C12orf56: variants seen among roughly 807,000 people sequenced by gnomAD.
The protein encoded by C12orf56 is chromosome 12 open reading frame 56, also known as uncharacterized protein C12orf56.
A neutral mutation model predicts 69.9 loss-of-function variants in C12orf56; 71 were observed. That is an observed-to-expected ratio of 1.02 (90% CI 0.84 to 1.24). The LOEUF (loss-of-function observed/expected upper bound fraction) is 1.24. Among genes scored for constraint, C12orf56 ranks in the 50% most tolerant of loss-of-function variants. The probability of loss-of-function intolerance (pLI) is 0.00; values close to 1 mark genes in which losing one functional copy is unlikely to be tolerated. For missense variants in C12orf56, 732 were observed against 738.5 expected, an observed-to-expected ratio of 0.99 and a Z score of 0.10; for synonymous variants, 276 against 274.1, an observed-to-expected ratio of 1.01 and a Z score of -0.07.
chr12:64,274,343 G>C (rs542501298), intron 11 of C12orf56, among the ~76,000 whole-genome samples: 1 of 152,216 alleles, frequency 6.6e-6, no homozygotes, highest in Non-Finnish European at 1.5e-5. Flanking sequence ...GCAGGGCCCT[G>C]TAGGCCATGT....
chr12:64,332,142 T>C (rs2038938913), intron 2 of C12orf56, among the ~76,000 whole-genome samples: 1 of 151,644 alleles, frequency 6.6e-6, no homozygotes, highest in Admixed American at 6.6e-5. Flanking sequence ...CAGTTTCTAC[T>C]AAAAAGACAA....
chr12:64,284,962 C>T (rs929732827), intron 7 of C12orf56, among the ~76,000 whole-genome samples: 4 of 152,134 alleles, frequency 2.6e-5, no homozygotes, highest in Non-Finnish European at 5.9e-5. Context: ...ATTTGCTGGT[C>T]GGGCGGGGTA....
At chr12:64,301,228 G>A (rs565998995) in intron 6 of C12orf56, among the ~76,000 whole-genome samples, 37 of 152,284 alleles carry the variant, frequency 2.4e-4, no homozygotes, top group Non-Finnish European at 4.6e-4. Context: ...ATTAAAAGCT[G>A]ATAGAGCCAG....
rs772547800 is a variant in C12orf56 at position 64,303,806 on chromosome 12, C to T, written c.969-27G>A. The T allele has an allele frequency of 5.2e-6, 8 of 1,553,350 alleles. No individual in the cohort carries two copies. The South Asian group carries it at 1.0e-4, about 19-fold the overall frequency. On this transcript the variant is annotated intron_variant, in intron 5 of 12. Coordinates refer to ENST00000543942, the MANE Select transcript of C12orf56 (RefSeq NM_001170633.2). ...TACAGAAACAGAAGAAAATTTTCCACTTAAAAAAATGGTAAGACATAGCAG... is the reference window on the plus strand; with the variant it reads ...TACAGAAACAGAAGAAAATTTTCCATTTAAAAAAATGGTAAGACATAGCAG...
rs1191998235 is a variant in C12orf56, at chr12:64,329,683, C to G, written c.488+1277G>C. Among the ~76,000 whole-genome samples, 144 of 110,942 alleles carry G rather than the reference C, an allele frequency of 1.3e-3. 3 individuals carry two copies. The highest frequency in any genetic ancestry group is 4.5e-3 in the African/African-American group (134 of 29,468). 72.8% of individuals were successfully genotyped at this position (110,942 alleles called of 152,430 possible). On this transcript the variant is annotated intron_variant, in intron 3 of 12. Transcript: ENST00000543942. ...CAATGCTATCCCTCCCCCCTCCCCC[C>G]ACCCCACAACAGTCCCCAGAGTGTG...
intron 11 of C12orf56, among the ~76,000 whole-genome samples, chr12:64,271,206 C>G (rs1313763329): frequency 6.6e-6 from 1 of 151,834 alleles, no homozygotes; most frequent in Non-Finnish European, 1.5e-5. Flanking sequence ...TGTGCCTCAT[C>G]TGTAATCCCA....
chr12:64,319,078 A>C, intron 3 of C12orf56, 98 bp from the exon 4 acceptor site: 93 of 1,154,710 alleles, frequency 8.1e-5, no homozygotes, highest in East Asian at 1.6e-4. Context: ...ATGTTTTCTC[A>C]CAAAAGGAAT....
chr12:64,327,190 A>ATT (rs78004180), intron 3 of C12orf56, among the ~76,000 whole-genome samples: 8 of 151,808 alleles, frequency 5.3e-5, no homozygotes, highest in Non-Finnish European at 7.4e-5. Flanking sequence ...TAAGAAATAC[A>ATT]TTTTTTTCCT....
intron 1 of C12orf56, among the ~76,000 whole-genome samples, chr12:64,383,565 C>T (rs1396135049): frequency 3.3e-5 from 5 of 151,892 alleles, no homozygotes; most frequent in Non-Finnish European, 7.4e-5. Context: ...GTCATAGAAA[C>T]GGGGTTTCAC....
chr12:64,339,074 T>C (rs1565763678), intron 2 of C12orf56, among the ~76,000 whole-genome samples: 1 of 152,248 alleles, frequency 6.6e-6, no homozygotes, highest in Non-Finnish European at 1.5e-5. Context: ...GTCACAACTC[T>C]ACAATTTATC....
Position 64,303,681 on chromosome 12 carries a change from T to G in C12orf56, c.1067A>C (p.Lys356Thr), listed in dbSNP as rs1404186142. The change falls in exon 6 of 13, where the codon AAA (lysine) becomes ACA (threonine). Residue 356 changes from lysine (K) to threonine (T), a missense_variant. By Grantham distance (78) the Lys-to-Thr change is moderately conservative. Transcript: ENST00000543942. ...RRILSLLMEL[K>T]VAAQKNFILK... ...AATGAAGTTTTTCTGGGCTGCTACT[T>G]TAAGTTCCATAAGTAAAGAAAGTAT... The G allele has an allele frequency of 6.4e-7, 1 of 1,574,422 alleles. No individual in the cohort carries two copies. The highest frequency in any genetic ancestry group is 8.6e-7 in the Non-Finnish European group (1 of 1,160,424).
intron 3 of C12orf56, among the ~76,000 whole-genome samples, chr12:64,324,649 A>G (rs9332442): frequency 0.45 from 68,023 of 152,098 alleles, 15,585 homozygotes; most frequent in African/African-American, 0.54. Flanking sequence ...TAGACGTGGT[A>G]AAAGGTTTAT....
intron 1 of C12orf56, among the ~76,000 whole-genome samples, chr12:64,372,574 G>T (rs962988652): frequency 3.3e-5 from 5 of 152,154 alleles, no homozygotes; most frequent in Non-Finnish European, 7.3e-5. Context: ...GAGTGCAATG[G>T]CACGATCTTG....
intron 2 of C12orf56, among the ~76,000 whole-genome samples, chr12:64,345,772 C>A (rs2039132966): frequency 6.6e-6 from 1 of 152,146 alleles, no homozygotes; most frequent in Admixed American, 6.5e-5. Context: ...TTAGGAGCAA[C>A]CAACAAGCTT....
At chr12:64,379,938 A>C (rs2039690053) in intron 1 of C12orf56, among the ~76,000 whole-genome samples, 1 of 36,220 alleles carries the variant, frequency 2.8e-5, no homozygotes, top group African/African-American at 4.7e-5. Context: ...AAAAAAAAAA[A>C]AAAAAAAAAA....
chr12:64,298,409 C>G (rs2038398261), intron 6 of C12orf56, among the ~76,000 whole-genome samples: 1 of 152,168 alleles, frequency 6.6e-6, no homozygotes, highest in South Asian at 2.1e-4. Flanking sequence ...TCAATTTTGG[C>G]TTTTGTTGCC....
chr12:64,388,685 T>C (rs1195043496), intron 1 of C12orf56, among the ~76,000 whole-genome samples: 1 of 152,166 alleles, frequency 6.6e-6, no homozygotes, highest in African/African-American at 2.4e-5. Context: ...CAAGATCCTG[T>C]CTCTACAAAA....
chr12:64,325,806 GAA>G (rs1471060664), intron 3 of C12orf56, among the ~76,000 whole-genome samples: 2 of 151,932 alleles, frequency 1.3e-5, no homozygotes, highest in Non-Finnish European at 2.9e-5. Context: ...GCCTGCTAAG[GAA>G]AAAAGAGTTT....
Position 64,275,376 on chromosome 12 carries a change from G to A in C12orf56, c.1435-4C>T, listed in dbSNP as rs927581303. 66 of 1,301,792 alleles carry A rather than the reference G, an allele frequency of 5.1e-5. No homozygotes were observed. Among genetic ancestry groups the A allele is most frequent in the Middle Eastern group, 1.9e-4 (1 of 5,250 alleles). 80.6% of individuals were successfully genotyped at this position (1,301,792 alleles called of 1,614,324 possible). A position where few individuals can be genotyped will look rare whatever the true frequency, so the allele number is the denominator to read the frequency against. On this transcript the variant is annotated splice_region_variant and splice_polypyrimidine_tract_variant and intron_variant, in intron 9 of 12. Coordinates refer to ENST00000543942, the MANE Select transcript of C12orf56 (RefSeq NM_001170633.2). ...ACTCCAGAATAAGCTTCTGTAACTA[G>A]AATTTTCAAGAATAATCAATGCAAT...
Sources: allele counts gnomAD v4.1 joint callset (sites outside exome capture counted in the v4.1 genomes callset), GRCh38; gene constraint gnomAD v4.1.1; transcripts MANE v1.5; gene names NCBI Gene and HGNC (gene_info 2026-07-23, HGNC 2026-07-21).